Variants in SFXN1 observed in about 807,000 individuals in gnomAD.
The protein encoded by SFXN1 is sideroflexin 1.
In SFXN1, 32 loss-of-function variants were observed where a neutral mutation model predicts 39.5. The observed-to-expected ratio is 0.81, with a 90% confidence interval of 0.61 to 1.09. SFXN1 has a LOEUF of 1.09. Ranked by LOEUF, SFXN1 falls within the 50% of genes least tolerant of loss-of-function variation. The pLI, the probability that SFXN1 is intolerant of heterozygous loss-of-function variation, is 0.00. For missense variants in SFXN1, 402 were observed against 407.1 expected (o/e 0.99, Z 0.11); for synonymous variants, 136 against 146.5 (o/e 0.93, Z 0.52).
At chr5:175,486,387 T>A (rs568316505) in intron 1 of SFXN1, among the ~76,000 whole-genome samples, 2 of 152,352 alleles carry the variant, frequency 1.3e-5, no homozygotes, top group East Asian at 1.9e-4. Context: ...GGACCTCAGC[T>A]TCCGCATAAT....
chr5:175,509,360 T>G, intron 3 of SFXN1, 158 bp downstream of exon 3: 1 of 609,712 alleles, frequency 1.6e-6, no homozygotes, highest in South Asian at 3.4e-5. Context: ...GTAATGTACT[T>G]ATGAATCAAA....
At chr5:175,485,925 TGTC>T (rs1759433102) in intron 1 of SFXN1, among the ~76,000 whole-genome samples, 1 of 152,222 alleles carries the variant, frequency 6.6e-6, no homozygotes, top group Non-Finnish European at 1.5e-5. Context: ...ATCACACTAT[TGTC>T]GTGAGAAATG....
chr5:175,512,152 C>A lies in SFXN1; in HGVS notation c.552C>A (p.Ala184=). ...PLIGRFVPFA[A]VAAANCINIP... is the part of the protein sequence containing the mutation. ...TAGGACGTTTTGTTCCCTTTGCTGC[C>A]GTAGCTGCTGCTAATTGCATTAATA... The change falls in exon 6 of 11, where the codon GCC becomes GCA. Residue 184 remains alanine (A), a synonymous_variant. Transcript: ENST00000321442. 6.2e-7 allele frequency: 1 copy of A among 1,614,128 alleles called. No individual in the cohort carries two copies. The highest frequency in any genetic ancestry group is 8.5e-7 in the Non-Finnish European group (1 of 1,180,040).
intron 9 of SFXN1, among the ~76,000 whole-genome samples, 170 bp downstream of exon 9, chr5:175,522,138 A>G (rs111494077): frequency 0.012 from 1,871 of 152,260 alleles, 47 homozygotes; most frequent in African/African-American, 0.043. Flanking sequence ...CTTTAGAGAA[A>G]CCTACAACAT....
chr5:175,483,812 G>C (rs968882196), intron 1 of SFXN1: 1 of 152,300 alleles, frequency 6.6e-6, no homozygotes, highest in Non-Finnish European at 1.5e-5. Context: ...CCACCCCAGC[G>C]CTTCTGCATA....
At chr5:175,516,522 T>C (rs1365479582) in intron 7 of SFXN1, 92 bp from the exon 8 acceptor site, 1 of 1,139,490 alleles carries the variant, frequency 8.8e-7, no homozygotes, top group Non-Finnish European at 1.3e-6. Flanking sequence ...AGCCTAAAAG[T>C]GACAGAAGCT....
intron 2 of SFXN1, among the ~76,000 whole-genome samples, chr5:175,497,865 G>A (rs1412854118): frequency 4.0e-5 from 6 of 151,020 alleles, no homozygotes; most frequent in African/African-American, 1.5e-4. Flanking sequence ...AGGAGGCGGA[G>A]GTTGTAGTGA....
intron 10 of SFXN1, among the ~76,000 whole-genome samples, chr5:175,526,124 G>GTTTTTTTTTT (rs35414343): frequency 1.6e-5 from 2 of 127,618 alleles, no homozygotes; most frequent in African/African-American, 2.9e-5. Context: ...AAATGTTTTG[G>GTTTTTTTTTT]TTTTTTTTTT....
At position 175,511,486 on chromosome 5, in the gene SFXN1, G is replaced by C; in HGVS notation, c.470G>C (p.Gly157Ala). ...LGTAYVSATT[G>A]AVATALGLNA... ...ACAGCTTACGTTTCTGCAACAACTG[G>C]TGCCGTAGCAACAGCTCTAGGACTC... Residue 157 changes from glycine (G) to alanine (A), a missense_variant, in exon 5 of 11, where the codon GGT (glycine) becomes GCT (alanine). By Grantham distance (60) the Gly-to-Ala change is moderately conservative. Transcript: ENST00000321442. 1.2e-6 allele frequency: 2 copies of C among 1,614,056 alleles called. No homozygotes were observed. Among genetic ancestry groups the C allele is most frequent in the Non-Finnish European group, 1.7e-6 (2 of 1,180,008 alleles).
At chr5:175,512,845 A>G (rs1318248854) in intron 6 of SFXN1, among the ~76,000 whole-genome samples, 3 of 152,298 alleles carry the variant, frequency 2.0e-5, no homozygotes, top group Middle Eastern at 3.4e-3. Flanking sequence ...TCTCATTTGG[A>G]AAGTTGCTCA....
Position 175,522,392 on chromosome 5 carries a change from CCCTGT to C in SFXN1, c.843_847del (p.Cys284ProfsTer20). ...TTTTTAAGTTTGGTGTTTGCTACAC[CCCTGT>C]GTTGTGCCCTGTTTCCTCAGAAAAG... On this transcript the variant is annotated frameshift_variant, in exon 10 of 11. Transcript: ENST00000321442. LOFTEE classifies it high-confidence loss of function. 6.2e-7 allele frequency: 1 copy of C among 1,608,704 alleles called. No homozygotes were observed. Among genetic ancestry groups the C allele is most frequent in the Non-Finnish European group, 8.5e-7 (1 of 1,178,630 alleles).
rs1726984236 is a variant in SFXN1, at chr5:175,527,592, G to T, written c.*858G>T. 2 of 151,576 alleles carry T rather than the reference G, an allele frequency of 1.3e-5. No homozygotes were observed. The highest frequency in any genetic ancestry group is 4.2e-4 in the South Asian group (2 of 4,806). The allele number at this position is 151,576 out of a possible 1,614,324, so 9.4% of individuals were successfully genotyped here. ...CAGTTCATTGTTTTTTTTTTGGTAA[G>T]AAGTGAGACTACAGTTCCAGCTACC... On this transcript the variant is annotated 3_prime_UTR_variant, in exon 11 of 11. Coordinates refer to ENST00000321442, the MANE Select transcript of SFXN1 (RefSeq NM_022754.7).
intron 10 of SFXN1, 45 bp downstream of exon 10, chr5:175,522,467 A>C (rs199924782): frequency 6.3e-7 from 1 of 1,579,480 alleles, no homozygotes. Flanking sequence ...TATTAATCCT[A>C]AAAACCAATT....
chr5:175,522,565 A>T, intron 10 of SFXN1, 143 bp downstream of exon 10: 1 of 700,824 alleles, frequency 1.4e-6, no homozygotes, highest in East Asian at 2.7e-5. Context: ...AAAGGAAGGG[A>T]TGGAGGCAGA....
chr5:175,484,614 G>A (rs369154932), intron 1 of SFXN1, among the ~76,000 whole-genome samples: 4 of 152,256 alleles, frequency 2.6e-5, no homozygotes, highest in African/African-American at 9.6e-5. Flanking sequence ...CCAGCATCTC[G>A]CTCCCTGAAT....
intron 2 of SFXN1, among the ~76,000 whole-genome samples, chr5:175,493,437 A>G (rs1203589493): frequency 6.6e-6 from 1 of 152,174 alleles, no homozygotes; most frequent in African/African-American, 2.4e-5. Context: ...CTTAACCATC[A>G]TCTAGGTAGA....
intron 10 of SFXN1, chr5:175,523,296 C>T (rs1171159847): frequency 6.6e-6 from 1 of 152,174 alleles, no homozygotes; most frequent in African/African-American, 2.4e-5. Flanking sequence ...ACTGAAGAGC[C>T]CCCCTTGAAG....
chr5:175,481,737 A>T (rs993674680), intron 1 of SFXN1, among the ~76,000 whole-genome samples: 1 of 152,232 alleles, frequency 6.6e-6, no homozygotes, highest in African/African-American at 2.4e-5. Context: ...CAACGTCTCC[A>T]TGCAGAACTA....
intron 3 of SFXN1, 44 bp downstream of exon 3, chr5:175,509,246 A>G: frequency 6.6e-7 from 1 of 1,522,600 alleles, no homozygotes; most frequent in Non-Finnish European, 8.8e-7. Context: ...CCATTACAGA[A>G]GCTCAAAGTA....
Sources: gnomAD v4.1 joint callset for allele counts (sites outside exome capture counted in the v4.1 genomes callset) on GRCh38, gnomAD v4.1.1 for gene constraint, MANE v1.5 for transcripts, NCBI Gene and HGNC (gene_info 2026-07-23, HGNC 2026-07-21) for gene names.